The following ATF2 variants were observed in gnomAD, a reference collection of about 807,000 sequenced individuals.
ATF2 encodes cyclic AMP-dependent transcription factor ATF-2.
A neutral mutation model predicts 60.6 loss-of-function variants in ATF2; 24 were observed. The observed-to-expected ratio is 0.40, with a 90% confidence interval of 0.29 to 0.56. The LOEUF is 0.56. Among genes scored for constraint, ATF2 ranks in the 20% least tolerant of loss-of-function variants. The pLI, the probability that ATF2 is intolerant of heterozygous loss-of-function variation, is 0.54. For missense variants in ATF2, 433 were observed against 607.7 expected (o/e 0.71, Z 3.02); for synonymous variants, 206 against 215.4 (o/e 0.96, Z 0.38).
chr2:175,093,032 A>G, intron 12 of ATF2, 29 bp downstream of exon 12: 1 of 1,584,632 alleles, frequency 6.3e-7, no homozygotes, highest in Non-Finnish European at 8.6e-7. Context: ...AAAAAGAAAT[A>G]AAACAAAATT....
intron 7 of ATF2, among the ~76,000 whole-genome samples, chr2:175,117,255 C>T (rs1253648109): frequency 1.3e-5 from 2 of 151,618 alleles, no homozygotes; most frequent in African/African-American, 2.4e-5. Flanking sequence ...GAAAACAAAG[C>T]ATTTATTCTT....
intron 10 of ATF2, among the ~76,000 whole-genome samples, chr2:175,102,949 C>T (rs887289547): frequency 6.6e-6 from 1 of 152,100 alleles, no homozygotes; most frequent in East Asian, 1.9e-4. Context: ...AACTACTATA[C>T]TGAAAACTCT....
At chr2:175,163,088 C>G (rs975892241) in intron 1 of ATF2, among the ~76,000 whole-genome samples, 3 of 151,840 alleles carry the variant, frequency 2.0e-5, no homozygotes, top group African/African-American at 7.2e-5. Flanking sequence ...GAGCCAAGAT[C>G]GTGCCACTGC....
chr2:175,133,981 G>A (rs1303886309), intron 3 of ATF2, among the ~76,000 whole-genome samples: 1 of 152,022 alleles, frequency 6.6e-6, no homozygotes. Context: ...TGTGTTCCAG[G>A]AAACCTTACA....
intron 1 of ATF2, among the ~76,000 whole-genome samples, chr2:175,158,399 T>C (rs557360676): frequency 1.1e-3 from 162 of 152,080 alleles, no homozygotes; most frequent in African/African-American, 3.5e-3. Flanking sequence ...AGCTAAATTT[T>C]TTTTGGAGTG....
At chr2:175,146,725 C>G (rs1288915438) in intron 2 of ATF2, among the ~76,000 whole-genome samples, 1 of 152,174 alleles carries the variant, frequency 6.6e-6, no homozygotes, top group Non-Finnish European at 1.5e-5. Context: ...CTTGCTCCAT[C>G]CCACCTGAGA....
At chr2:175,110,020 CT>C (rs1332688466) in intron 10 of ATF2, among the ~76,000 whole-genome samples, 6 of 152,136 alleles carry the variant, frequency 3.9e-5, no homozygotes, top group Non-Finnish European at 8.8e-5. Context: ...GACTGATTGT[CT>C]GCACTAATGG....
At chr2:175,088,997 C>T (rs1331397278) in intron 12 of ATF2, among the ~76,000 whole-genome samples, 7 of 152,036 alleles carry the variant, frequency 4.6e-5, no homozygotes, top group African/African-American at 1.7e-4. Flanking sequence ...GCCTGACCAA[C>T]GTGGAGAAAC....
intron 12 of ATF2, among the ~76,000 whole-genome samples, chr2:175,087,753 T>C (rs565950400): frequency 6.6e-6 from 1 of 152,324 alleles, no homozygotes; most frequent in South Asian, 2.1e-4. Context: ...TATCGTGGAA[T>C]GTAAAACCTT....
At chr2:175,085,283 C>T (rs1050725923) in intron 12 of ATF2, among the ~76,000 whole-genome samples, 5 of 152,016 alleles carry the variant, frequency 3.3e-5, no homozygotes, top group African/African-American at 9.7e-5. Flanking sequence ...GCCTGTAATC[C>T]CAGAACTTTG....
intron 2 of ATF2, among the ~76,000 whole-genome samples, chr2:175,140,148 C>T (rs928912988): frequency 6.6e-6 from 1 of 152,020 alleles, no homozygotes; most frequent in Admixed American, 6.5e-5. Flanking sequence ...AAAAAGTGTC[C>T]TCATTCTGGA....
intron 1 of ATF2, among the ~76,000 whole-genome samples, chr2:175,153,041 G>A (rs771243067): frequency 2.0e-5 from 3 of 152,034 alleles, no homozygotes; most frequent in Non-Finnish European, 4.4e-5. Context: ...AAGTAATTGC[G>A]GTTTTTTCCA....
At chr2:175,132,051 C>T (rs186862173) in intron 3 of ATF2, among the ~76,000 whole-genome samples, 1 of 152,254 alleles carries the variant, frequency 6.6e-6, no homozygotes, top group Admixed American at 6.5e-5. Flanking sequence ...CTGAATTCTC[C>T]TATGTGCTTC....
intron 1 of ATF2, among the ~76,000 whole-genome samples, chr2:175,164,439 C>A (rs1700221421): frequency 1.3e-5 from 2 of 152,208 alleles, no homozygotes; most frequent in Non-Finnish European, 2.9e-5. Flanking sequence ...GAGGCTCAGA[C>A]AGGAGAACCG....
intron 1 of ATF2, among the ~76,000 whole-genome samples, chr2:175,166,927 C>A (rs965683915): frequency 6.6e-6 from 1 of 152,028 alleles, no homozygotes; most frequent in Non-Finnish European, 1.5e-5. Context: ...TAAATAATAG[C>A]CAGGAAAGCA....
intron 12 of ATF2, among the ~76,000 whole-genome samples, chr2:175,084,840 A>C (rs1294202945): frequency 6.6e-6 from 1 of 152,112 alleles, no homozygotes; most frequent in East Asian, 1.9e-4. Flanking sequence ...GGCAGAACAT[A>C]TCTTTTCCTT....
rs1441824031 is a variant in ATF2 at position 175,097,611 on chromosome 2, T to C, written c.829-18A>G. ...TTTAATCTCTGCAATGCAAACACCA[T>C]TAAAAATTTTTTTTAAGTCCTTAAA... is the stretch of plus-strand genomic sequence containing the variant. On this transcript the variant is annotated intron_variant, in intron 10 of 13. Coordinates refer to ENST00000264110, the MANE Select transcript of ATF2 (RefSeq NM_001880.4). 6.2e-7 allele frequency: 1 copy of C among 1,611,582 alleles called. No homozygotes were observed. Among genetic ancestry groups the C allele is most frequent in the Non-Finnish European group, 8.5e-7 (1 of 1,179,330 alleles).
At chr2:175,120,108 TA>T (rs1459075918) in intron 5 of ATF2, among the ~76,000 whole-genome samples, 1 of 151,730 alleles carries the variant, frequency 6.6e-6, no homozygotes, top group African/African-American at 2.4e-5. Context: ...GACAGGAAAG[TA>T]ATTTCTAGAA....
intron 5 of ATF2, among the ~76,000 whole-genome samples, chr2:175,119,822 A>C (rs1467962044): frequency 6.6e-6 from 1 of 151,650 alleles, no homozygotes; most frequent in East Asian, 1.9e-4. Context: ...ACTTACATTA[A>C]AGGGAGGGGA....
Sources: allele counts gnomAD v4.1 joint callset (sites outside exome capture counted in the v4.1 genomes callset), GRCh38; gene constraint gnomAD v4.1.1; transcripts MANE v1.5; gene names NCBI Gene and HGNC (gene_info 2026-07-23, HGNC 2026-07-21).